PDE11A: variants seen among roughly 807,000 people sequenced by gnomAD.
PDE11A encodes the protein phosphodiesterase 11A, also known as dual 3',5'-cyclic-AMP and -GMP phosphodiesterase 11A.
A neutral mutation model predicts 100.5 loss-of-function variants in PDE11A; 100 were observed. The ratio of observed to expected loss-of-function variants is 1.00; its 90% CI spans 0.85 to 1.18. The LOEUF (loss-of-function observed/expected upper bound fraction) is 1.18, where lower values mean the gene tolerates loss of function less well. PDE11A is among the 50% of genes most tolerant of loss of function. The pLI is 0.00. For synonymous variants in PDE11A, 381 were observed against 420.8 expected, an observed-to-expected ratio of 0.91 and a Z score of 1.16; for missense variants, 1,141 against 1,152.6, an observed-to-expected ratio of 0.99 and a Z score of 0.15.
intron 15 of PDE11A, among the ~76,000 whole-genome samples, chr2:177,690,305 G>T (rs980982007): frequency 6.6e-6 from 1 of 152,060 alleles, no homozygotes; most frequent in African/African-American, 2.4e-5. Context: ...ATAGAGTAAT[G>T]GCTTAAGTTT....
intron 5 of PDE11A, among the ~76,000 whole-genome samples, chr2:177,868,533 A>G (rs1184397621): frequency 6.6e-6 from 1 of 152,242 alleles, no homozygotes; most frequent in East Asian, 1.9e-4. Context: ...TCTATCATAT[A>G]CCATTCTTGA....
intron 6 of PDE11A, among the ~76,000 whole-genome samples, chr2:177,822,848 A>G (rs956305716): frequency 6.6e-6 from 1 of 152,132 alleles, no homozygotes; most frequent in Non-Finnish European, 1.5e-5. Flanking sequence ...TGTTATTGTA[A>G]ATAACAGTAG....
chr2:177,785,129 G>T (rs930731280), intron 9 of PDE11A, among the ~76,000 whole-genome samples: 16 of 152,292 alleles, frequency 1.1e-4, no homozygotes, highest in Admixed American at 8.5e-4. Context: ...CACTAGACCT[G>T]TAACCTTGGC....
chr2:178,047,184 G>A (rs933134090), intron 1 of PDE11A, among the ~76,000 whole-genome samples: 16 of 152,058 alleles, frequency 1.1e-4, no homozygotes, highest in Non-Finnish European at 1.5e-4. Flanking sequence ...ACCCAAGGCC[G>A]GGCATGGTGG....
At chr2:177,860,416 A>G (rs1487856994) in intron 5 of PDE11A, among the ~76,000 whole-genome samples, 1 of 151,890 alleles carries the variant, frequency 6.6e-6, no homozygotes, top group African/African-American at 2.4e-5. Flanking sequence ...TTTTAAAATT[A>G]GAATAAACTT....
At chr2:178,007,755 A>C (rs1196539211) in intron 2 of PDE11A, among the ~76,000 whole-genome samples, 1 of 151,920 alleles carries the variant, frequency 6.6e-6, no homozygotes, top group African/African-American at 2.4e-5. Context: ...CCCCGGCTGG[A>C]GTGCAATGGC....
chr2:177,824,073 A>G (rs2083189149), intron 6 of PDE11A, among the ~76,000 whole-genome samples: 1 of 152,192 alleles, frequency 6.6e-6, no homozygotes, highest in South Asian at 2.1e-4. Flanking sequence ...CATCACTTTT[A>G]AAGTACTACA....
intron 10 of PDE11A, among the ~76,000 whole-genome samples, chr2:177,738,480 G>A (rs1256826668): frequency 6.6e-6 from 1 of 152,168 alleles, no homozygotes; most frequent in African/African-American, 2.4e-5. Flanking sequence ...CGTAAGATAC[G>A]AATTCCCCAA....
intron 10 of PDE11A, among the ~76,000 whole-genome samples, chr2:177,765,950 T>C (rs2082232907): frequency 1.3e-5 from 2 of 152,226 alleles, no homozygotes; most frequent in African/African-American, 4.8e-5. Context: ...TATGTAAAAT[T>C]TGACCTCCAG....
chr2:177,632,168 T>C lies in PDE11A; in HGVS notation c.2647-2606A>G, dbSNP rs369868059. ...GGATGTAACATAAAAGGGAAGCTCT[T>C]AAAGAGTCAAGAAGAAAAACCAAGG... On this transcript the variant is annotated intron_variant, in intron 19 of 19. Coordinates refer to ENST00000286063, the MANE Select transcript of PDE11A (RefSeq NM_016953.4). Among the ~76,000 whole-genome samples the C allele has an allele frequency of 2.0e-5, 3 of 152,194 alleles. No individual in the cohort carries two copies. The East Asian group carries it at 5.8e-4, about 29-fold the overall frequency.
chr2:177,954,317 C>T (rs768813627), intron 2 of PDE11A, among the ~76,000 whole-genome samples: 2 of 152,048 alleles, frequency 1.3e-5, no homozygotes, highest in Non-Finnish European at 2.9e-5. Context: ...TTACTCATTT[C>T]CATCATTCTT....
At chr2:177,865,888 C>A (rs34088312) in intron 5 of PDE11A, among the ~76,000 whole-genome samples, 9,497 of 151,982 alleles carry the variant, frequency 0.062, 313 homozygotes, top group South Asian at 0.091. Flanking sequence ...GGTAGAGTTT[C>A]TTTTTTGGAG....
At chr2:178,074,197 G>C (rs756197241), upstream of PDE11A, among the ~76,000 whole-genome samples, 7 of 151,892 alleles carry the variant, frequency 4.6e-5, no homozygotes, top group Non-Finnish European at 7.4e-5. Context: ...ACAGAAAGTA[G>C]ATTACTTTCT....
At chr2:177,708,786 G>T (rs1369541786) in intron 13 of PDE11A, among the ~76,000 whole-genome samples, 2 of 152,136 alleles carry the variant, frequency 1.3e-5, no homozygotes, top group Non-Finnish European at 2.9e-5. Context: ...TGTTTATTAT[G>T]CTCCCCCAAG....
intron 2 of PDE11A, among the ~76,000 whole-genome samples, chr2:177,986,080 T>A (rs1212500375): frequency 6.6e-6 from 1 of 152,190 alleles, no homozygotes; most frequent in Non-Finnish European, 1.5e-5. Flanking sequence ...CACCCTGTTG[T>A]ATGCAACTAC....
At position 177,840,395 on chromosome 2, in the gene PDE11A, C is replaced by T. The variant is rs776591973; in HGVS notation, c.1368-12G>A. The T allele has an allele frequency of 6.2e-7, 1 of 1,612,964 alleles. No individual in the cohort carries two copies. Among genetic ancestry groups the T allele is most frequent in the Non-Finnish European group, 8.5e-7 (1 of 1,179,196 alleles). ...TGCTTTCTTTGAAACTATCAGAGCA[C>T]CAAGGTAGGCAGGAAGAAAAGAGAG... On this transcript the variant is annotated splice_polypyrimidine_tract_variant and intron_variant, in intron 5 of 19. Transcript: ENST00000286063.
chr2:177,796,492 T>C (rs535104236), intron 9 of PDE11A, among the ~76,000 whole-genome samples: 2 of 152,172 alleles, frequency 1.3e-5, no homozygotes, highest in Admixed American at 1.3e-4. Context: ...ATGTGCATAA[T>C]GTAGGGCTCA....
At chr2:178,080,211 C>T (rs2087266668) in intron 2 of PDE11A, among the ~76,000 whole-genome samples, 1 of 152,140 alleles carries the variant, frequency 6.6e-6, no homozygotes, top group Admixed American at 6.5e-5. Context: ...GTCATGAAAT[C>T]TTTGCCACAG....
At chr2:178,081,448 A>G (rs6754705) in intron 2 of PDE11A, among the ~76,000 whole-genome samples, 28,865 of 152,156 alleles carry the variant, frequency 0.19, 2,739 homozygotes, top group South Asian at 0.22. Flanking sequence ...CTACAATAAT[A>G]AGGTAAAGAA....
Sources: allele counts gnomAD v4.1 joint callset (sites outside exome capture counted in the v4.1 genomes callset), GRCh38; gene constraint gnomAD v4.1.1; transcripts MANE v1.5; gene names NCBI Gene and HGNC (gene_info 2026-07-23, HGNC 2026-07-21).